The following UGGT2 variants were observed in gnomAD, a reference collection of about 807,000 sequenced individuals.
UGGT2 encodes the protein UDP-glucose glycoprotein glucosyltransferase 2, also known as UDP-glucose:glycoprotein glucosyltransferase 2.
In UGGT2, 180 loss-of-function variants were observed where a neutral mutation model predicts 192.1. That is an observed-to-expected ratio of 0.94 (90% CI 0.83 to 1.06). UGGT2 has a LOEUF of 1.06. Ranked by LOEUF, UGGT2 falls within the 50% of genes least tolerant of loss-of-function variation. UGGT2 has a pLI of 0.00. For synonymous variants in UGGT2, 580 were observed against 591.0 expected, an observed-to-expected ratio of 0.98 and a Z score of 0.27; for missense variants, 1,849 against 1,795.7, an observed-to-expected ratio of 1.03 and a Z score of -0.54.
At chr13:95,849,045 G>T (rs1257810919) in intron 36 of UGGT2, among the ~76,000 whole-genome samples, 3 of 151,980 alleles carry the variant, frequency 2.0e-5, no homozygotes, top group African/African-American at 7.3e-5. Flanking sequence ...ATGATACTGT[G>T]TTTTTAATTT....
chr13:95,979,864 T>C lies in UGGT2; in HGVS notation c.1092+3940A>G, dbSNP rs1177273606. Reference sequence around the variant, plus strand: ...ATTAGACAATTCTCAAAAGAAGATATACAAGTGGGCAACAAGCATATGGAA... The same window carrying C: ...ATTAGACAATTCTCAAAAGAAGATACACAAGTGGGCAACAAGCATATGGAA... On this transcript the variant is annotated intron_variant, in intron 10 of 38. Transcript: ENST00000376747. Among the ~76,000 whole-genome samples, 3 of 152,062 alleles carry C rather than the reference T, an allele frequency of 2.0e-5. No individual in the cohort carries two copies. The East Asian group carries it at 5.8e-4, about 29-fold the overall frequency.
At position 95,807,942 on chromosome 13, in the gene UGGT2, G is replaced by A. The variant is rs138151458; in HGVS notation, c.4529-6130C>T. ...ATGTTCTATCAGGGTTCTCTTCCAC[G>A]GCACTGACAATCTTTTCCAAAGAGT... is the stretch of plus-strand genomic sequence containing the variant. On this transcript the variant is annotated intron_variant, in intron 38 of 38. Transcript: ENST00000376747. Among the ~76,000 whole-genome samples, 960 of 151,774 alleles carry A rather than the reference G, an allele frequency of 6.3e-3. 13 individuals carry two copies. Among genetic ancestry groups the A allele is most frequent in the African/African-American group, 0.02 (843 of 41,376 alleles).
intron 7 of UGGT2, among the ~76,000 whole-genome samples, chr13:95,992,588 C>T (rs1426830346): frequency 1.3e-5 from 2 of 152,058 alleles, no homozygotes; most frequent in South Asian, 2.1e-4. Context: ...AGCCTTATGG[C>T]GGAGTCTTTA....
chr13:96,033,121 C>T (rs530192247), intron 1 of UGGT2, among the ~76,000 whole-genome samples: 2 of 152,310 alleles, frequency 1.3e-5, no homozygotes, highest in East Asian at 1.9e-4. Flanking sequence ...AACTACAAAT[C>T]GCTGCTCAAG....
intron 36 of UGGT2, among the ~76,000 whole-genome samples, chr13:95,846,905 G>GT (rs1486113580): frequency 6.7e-6 from 1 of 150,230 alleles, no homozygotes; most frequent in African/African-American, 2.4e-5. Context: ...GTGCTGTCAT[G>GT]TCTCACATTT....
intron 36 of UGGT2, among the ~76,000 whole-genome samples, chr13:95,844,284 C>T (rs935821167): frequency 9.9e-5 from 15 of 152,096 alleles, no homozygotes; most frequent in East Asian, 5.8e-4. Flanking sequence ...TTTAGGTCTA[C>T]GGCATTCCAT....
At chr13:95,890,642 G>T (rs1474466941) in intron 25 of UGGT2, among the ~76,000 whole-genome samples, 1 of 152,118 alleles carries the variant, frequency 6.6e-6, no homozygotes, top group Non-Finnish European at 1.5e-5. Context: ...TATGAATTTT[G>T]TGGGGAATAC....
intron 15 of UGGT2, among the ~76,000 whole-genome samples, chr13:95,941,693 A>C (rs1264079052): frequency 6.6e-6 from 1 of 152,218 alleles, no homozygotes; most frequent in Non-Finnish European, 1.5e-5. Context: ...CAATCCTCTT[A>C]CACATTTTTA....
At chr13:95,929,433 C>A (rs1188073074) in intron 17 of UGGT2, among the ~76,000 whole-genome samples, 3 of 152,134 alleles carry the variant, frequency 2.0e-5, no homozygotes, top group African/African-American at 7.2e-5. Context: ...TTTTCCAACC[C>A]TTCCCTGACT....
intron 5 of UGGT2, among the ~76,000 whole-genome samples, chr13:96,010,712 T>C (rs2052134077): frequency 6.6e-6 from 1 of 152,214 alleles, no homozygotes; most frequent in Non-Finnish European, 1.5e-5. Context: ...TTAATTTATA[T>C]GTTCAATGTA....
At chr13:96,017,940 C>T (rs2052389141) in intron 4 of UGGT2, among the ~76,000 whole-genome samples, 1 of 152,154 alleles carries the variant, frequency 6.6e-6, no homozygotes, top group Non-Finnish European at 1.5e-5. Flanking sequence ...TTTACAGTAT[C>T]TCCAAAAATA....
At chr13:95,978,068 A>C (rs1199052774) in intron 10 of UGGT2, among the ~76,000 whole-genome samples, 1 of 152,090 alleles carries the variant, frequency 6.6e-6, no homozygotes, top group Non-Finnish European at 1.5e-5. Flanking sequence ...AAATACCTAA[A>C]GTATGCAGGG....
intron 20 of UGGT2, among the ~76,000 whole-genome samples, chr13:95,914,612 TAAAAAAAAAAAAA>T (rs146990164): frequency 2.2e-4 from 18 of 81,024 alleles, no homozygotes; most frequent in East Asian, 8.1e-4. Context: ...CCATCTCTAC[TAAAAAAAAAAAAA>T]AAAAAAAAAA....
At position 95,998,171 on chromosome 13, in the gene UGGT2, G is replaced by A. The variant is rs191473165; in HGVS notation, c.757+1040C>T. Among the ~76,000 whole-genome samples the A allele has an allele frequency of 1.3e-3, 193 of 152,276 alleles. 1 individual carries two copies. The highest frequency in any genetic ancestry group is 4.3e-3 in the African/African-American group (179 of 41,574). ...GGAGTGGCAACTAGAATTGACAGGCGAAGACATATTCCAAGTGTGTGTAAA... is the reference window on the plus strand; with the variant it reads ...GGAGTGGCAACTAGAATTGACAGGCAAAGACATATTCCAAGTGTGTGTAAA... On this transcript the variant is annotated intron_variant, in intron 6 of 38. Transcript: ENST00000376747.
At chr13:95,934,570 C>G (rs913433643) in intron 17 of UGGT2, among the ~76,000 whole-genome samples, 1 of 152,118 alleles carries the variant, frequency 6.6e-6, no homozygotes, top group African/African-American at 2.4e-5. Flanking sequence ...TTAAAAAGCA[C>G]AGAGTGGCAA....
chr13:95,850,745 C>G (rs1357722757), intron 36 of UGGT2, among the ~76,000 whole-genome samples: 2 of 152,204 alleles, frequency 1.3e-5, no homozygotes, highest in Admixed American at 1.3e-4. Flanking sequence ...AGTAGATGTC[C>G]TTTATATAGA....
chr13:95,982,305 G>C, intron 10 of UGGT2, among the ~76,000 whole-genome samples: 1 of 152,210 alleles, frequency 6.6e-6, no homozygotes, highest in East Asian at 1.9e-4. Context: ...GCAGACACAG[G>C]CAAGCAAGCT....
intron 17 of UGGT2, 88 bp downstream of exon 17, chr13:95,936,836 A>T: frequency 1.6e-6 from 2 of 1,243,248 alleles, no homozygotes; most frequent in Non-Finnish European, 2.1e-6. Flanking sequence ...ATTTTTTACC[A>T]AATCAACTTC....
intron 20 of UGGT2, among the ~76,000 whole-genome samples, chr13:95,918,387 T>TA (rs1284466818): frequency 1.3e-5 from 2 of 151,996 alleles, no homozygotes; most frequent in African/African-American, 4.8e-5. Flanking sequence ...GCAGTGTTAA[T>TA]AAAAAAATTT....
Sources: allele counts gnomAD v4.1 joint callset (sites outside exome capture counted in the v4.1 genomes callset), GRCh38; gene constraint gnomAD v4.1.1; transcripts MANE v1.5; gene names NCBI Gene and HGNC (gene_info 2026-07-23, HGNC 2026-07-21).